The following TAS2R1 variants were observed in gnomAD, a reference collection of about 807,000 sequenced individuals.
TAS2R1 encodes taste receptor type 2 member 1.
For missense variants in TAS2R1, 370 were observed against 353.4 expected, an observed-to-expected ratio of 1.05 and a Z score of -0.38; for synonymous variants, 141 against 134.2, an observed-to-expected ratio of 1.05 and a Z score of -0.35.
At chr5:9,754,713 G>C in the TAS2R1 span, among the ~76,000 whole-genome samples, 3 of 151,860 alleles carry the variant, frequency 2.0e-5, no homozygotes, top group African/African-American at 4.8e-5. Context: ...TTCAAGGAGA[G>C]CTACAAACCA....
upstream of TAS2R1, among the ~76,000 whole-genome samples, chr5:9,716,547 A>T (rs376484720): frequency 1.1e-4 from 1 of 8,922 alleles, no homozygotes; most frequent in South Asian, 2.9e-3. Context: ...TACATATATT[A>T]TATATATATA....
the TAS2R1 span, among the ~76,000 whole-genome samples, chr5:9,890,642 G>T: frequency 6.6e-6 from 1 of 152,206 alleles, no homozygotes; most frequent in Non-Finnish European, 1.5e-5. Flanking sequence ...CAGCAAGACT[G>T]AAGCTCTACA....
Position 9,629,530 on chromosome 5 carries a change from T to C in TAS2R1, c.503A>G (p.Lys168Arg), listed in dbSNP as rs1739827255. The C allele has an allele frequency of 6.2e-7, 1 of 1,613,938 alleles. No individual in the cohort carries two copies. The highest frequency in any genetic ancestry group is 1.7e-5 in the Admixed American group (1 of 59,960). ...AATCTGTATAGCCAGTGTATCTTCT[T>C]TTTGAATTGTGGCATTTTGGGAGAA... Reference protein sequence around the residue: ...KFFSQNATIQKEDTLAIQIFS... With the variant: ...KFFSQNATIQREDTLAIQIFS... Residue 168 changes from lysine to arginine, a missense_variant, in exon 1 of 1, where the codon AAA becomes AGA. By Grantham distance (26) the Lys-to-Arg change is conservative. Coordinates refer to ENST00000382492, the MANE Select transcript of TAS2R1 (RefSeq NM_019599.3).
chr5:9,702,965 T>A (rs1315430198), intron 1 of TAS2R1, among the ~76,000 whole-genome samples: 28 of 152,036 alleles, frequency 1.8e-4, no homozygotes, highest in Non-Finnish European at 1.5e-5. Context: ...GAAAAAGTAT[T>A]AATAGGAATA....
At chr5:9,838,475 T>C in the TAS2R1 span, among the ~76,000 whole-genome samples, 179 of 152,318 alleles carry the variant, frequency 1.2e-3, no homozygotes, top group African/African-American at 4.2e-3. Context: ...TATTTTTTCA[T>C]CCCTGATATG....
chr5:9,903,058 G>A, the TAS2R1 span, among the ~76,000 whole-genome samples: 44 of 151,908 alleles, frequency 2.9e-4, no homozygotes, highest in Non-Finnish European at 4.1e-4. Context: ...TGGGTCATCC[G>A]TCCCCTCAAG....
chr5:9,689,358 G>A (rs1222366912), intron 1 of TAS2R1, among the ~76,000 whole-genome samples: 2 of 152,066 alleles, frequency 1.3e-5, no homozygotes, highest in Non-Finnish European at 2.9e-5. Context: ...AATTACCTGG[G>A]AACATGTCAG....
intron 1 of TAS2R1, among the ~76,000 whole-genome samples, chr5:9,661,479 T>C (rs1225286084): frequency 6.6e-6 from 1 of 152,142 alleles, no homozygotes; most frequent in Non-Finnish European, 1.5e-5. Context: ...ACTGAAAAAA[T>C]GTATTCTGGA....
At chr5:9,683,716 T>C (rs1469299825) in intron 1 of TAS2R1, among the ~76,000 whole-genome samples, 3 of 152,228 alleles carry the variant, frequency 2.0e-5, no homozygotes, top group Admixed American at 6.5e-5. Flanking sequence ...ATTAATTGAT[T>C]GGAGTTTGCA....
At position 9,629,042 on chromosome 5, in the gene TAS2R1, T is replaced by C. The variant is rs1579758372; in HGVS notation, c.*91A>G. ...CTGAAGGGGACATGTTGTATATTTA[T>C]GAACAGGCTGCTTTGTCTGGCTGAG... is the stretch of plus-strand genomic sequence containing the variant. On this transcript the variant is annotated 3_prime_UTR_variant, in exon 1 of 1. Coordinates refer to ENST00000382492, the MANE Select transcript of TAS2R1 (RefSeq NM_019599.3). 2 of 1,363,856 alleles carry C rather than the reference T, an allele frequency of 1.5e-6. No individual in the cohort carries two copies. Among genetic ancestry groups the C allele is most frequent in the African/African-American group, 1.4e-5 (1 of 68,998 alleles). The allele number at this position is 1,363,856 out of a possible 1,614,324, so 84.5% of individuals were successfully genotyped here.
At chr5:9,740,847 A>C in the TAS2R1 span, among the ~76,000 whole-genome samples, 7,461 of 152,230 alleles carry the variant, frequency 0.049, 543 homozygotes, top group East Asian at 0.19. Flanking sequence ...TAATCATTTG[A>C]ATTTTTATTG....
intron 2 of TAS2R1, among the ~76,000 whole-genome samples, chr5:9,651,414 T>C (rs1740303130): frequency 6.6e-6 from 1 of 152,116 alleles, no homozygotes; most frequent in Admixed American, 6.5e-5. Flanking sequence ...CAAAAGACTT[T>C]CCAGAAGAAA....
chr5:9,879,561 G>A, the TAS2R1 span, among the ~76,000 whole-genome samples: 1 of 152,086 alleles, frequency 6.6e-6, no homozygotes, highest in East Asian at 1.9e-4. Context: ...CTCAGCCCTC[G>A]ACGCAAGACA....
At chr5:9,666,078 G>T (rs372821518) in intron 1 of TAS2R1, among the ~76,000 whole-genome samples, 14 of 152,162 alleles carry the variant, frequency 9.2e-5, no homozygotes, top group African/African-American at 2.9e-4. Context: ...AGAACTTCAT[G>T]ATTCTTTTTT....
intron 2 of TAS2R1, among the ~76,000 whole-genome samples, chr5:9,647,712 T>C (rs949967665): frequency 6.6e-6 from 1 of 152,188 alleles, no homozygotes; most frequent in Non-Finnish European, 1.5e-5. Context: ...CATCAGACTT[T>C]CTACAGATAG....
intron 2 of TAS2R1, among the ~76,000 whole-genome samples, chr5:9,636,266 A>T (rs1381001416): frequency 6.6e-6 from 1 of 152,006 alleles, no homozygotes; most frequent in African/African-American, 2.4e-5. Context: ...TTATGGAGTT[A>T]ATTTCCAGTT....
intron 2 of TAS2R1, among the ~76,000 whole-genome samples, chr5:9,643,200 T>A (rs1740120432): frequency 6.6e-6 from 1 of 152,176 alleles, no homozygotes; most frequent in African/African-American, 2.4e-5. Flanking sequence ...GACAATTCCA[T>A]CACTGTGCAA....
At chr5:9,731,366 C>A in the TAS2R1 span, among the ~76,000 whole-genome samples, 1 of 152,114 alleles carries the variant, frequency 6.6e-6, no homozygotes, top group Non-Finnish European at 1.5e-5. Context: ...GCCGCGGCAC[C>A]CCCTTCGCTG....
intron 2 of TAS2R1, among the ~76,000 whole-genome samples, chr5:9,637,377 A>G (rs1004199058): frequency 6.6e-6 from 1 of 152,124 alleles, no homozygotes; most frequent in Middle Eastern, 3.4e-3. Flanking sequence ...CTTTGTCTTG[A>G]CTTTAGATAA....
Sources: allele counts gnomAD v4.1 joint callset (sites outside exome capture counted in the v4.1 genomes callset), GRCh38; gene constraint gnomAD v4.1.1; transcripts MANE v1.5; gene names NCBI Gene and HGNC (gene_info 2026-07-23, HGNC 2026-07-21).